Variants in PADI1 observed in about 807,000 individuals in gnomAD.
PADI1 encodes peptidyl arginine deiminase 1, also known as protein-arginine deiminase type-1.
In PADI1, 65 loss-of-function variants were observed where a neutral mutation model predicts 74.8. The ratio of observed to expected loss-of-function variants is 0.87; its 90% confidence interval spans 0.71 to 1.07. The LOEUF is 1.07. Among genes scored for constraint, PADI1 ranks in the 50% least tolerant of loss-of-function variants. The pLI, the probability that PADI1 is intolerant of heterozygous loss-of-function variation, is 0.00. For missense variants in PADI1, 943 were observed against 854.0 expected, an observed-to-expected ratio of 1.10 and a Z score of -1.30; for synonymous variants, 371 against 336.2, an observed-to-expected ratio of 1.10 and a Z score of -1.13.
chr1:17,233,831 G>A (rs2072565289), intron 11 of PADI1, among the ~76,000 whole-genome samples: 1 of 152,254 alleles, frequency 6.6e-6, no homozygotes, highest in Non-Finnish European at 1.5e-5. Flanking sequence ...GAATCTGGCA[G>A]CCTCAGAGCT....
intron 1 of PADI1, among the ~76,000 whole-genome samples, chr1:17,213,515 A>G (rs1356043105): frequency 6.6e-6 from 1 of 152,018 alleles, no homozygotes; most frequent in Non-Finnish European, 1.5e-5. Context: ...GTATTTTCCT[A>G]CTTTCTGTAA....
Position 17,230,692 on chromosome 1 carries a change from A to C in PADI1, c.1161+13A>C, listed in dbSNP as rs1204549609. ...TAAGAGGATCCTGGTACGTAGCGAC[A>C]GGTAGAGTGCAGAAACCCTGGTTGG... On this transcript the variant is annotated intron_variant, in intron 10 of 15. Transcript: ENST00000375471. 4.6e-6 allele frequency: 7 copies of C among 1,505,586 alleles called. No homozygotes were observed. The highest frequency in any genetic ancestry group is 6.4e-6 in the Non-Finnish European group (7 of 1,086,090). The allele number at this position is 1,505,586 out of a possible 1,614,324, so 93.3% of individuals were successfully genotyped here.
chr1:17,239,948 G>T, intron 14 of PADI1, 165 bp downstream of exon 14: 1 of 617,196 alleles, frequency 1.6e-6, no homozygotes, highest in East Asian at 2.8e-5. Flanking sequence ...GGAACCCACA[G>T]TCTGATGGAA....
chr1:17,236,982 G>A (rs1367976142), intron 11 of PADI1, among the ~76,000 whole-genome samples: 1 of 152,176 alleles, frequency 6.6e-6, no homozygotes, highest in African/African-American at 2.4e-5. Context: ...AGCAAGGAGG[G>A]GCGCAGTGGG....
At chr1:17,223,826 C>T (rs930005302) in intron 3 of PADI1, 133 bp downstream of exon 3, 4 of 721,252 alleles carry the variant, frequency 5.5e-6, no homozygotes, top group Non-Finnish European at 9.6e-6. Context: ...TTGGATTCCT[C>T]GGGACCTTCT....
rs2071651205 is a variant in PADI1, at chr1:17,205,156, G to A, written c.-62G>A. ...ACTCACACTTCTTCCTGGCAAAGAA[G>A]TGCCCAGGACGGGAGCTGGGGAGCC... On this transcript the variant is annotated 5_prime_UTR_variant, in exon 1 of 16. It adds an upstream start codon to the 5' untranslated region. Transcript: ENST00000375471. The A allele has an allele frequency of 1.5e-6, 2 of 1,344,602 alleles. No homozygotes were observed. Among genetic ancestry groups the A allele is most frequent in the African/African-American group, 1.4e-5 (1 of 69,584 alleles). 83.3% of individuals were successfully genotyped at this position (1,344,602 alleles called of 1,614,324 possible). A position where few individuals can be genotyped will look rare whatever the true frequency, so the allele number is the denominator to read the frequency against.
At chr1:17,218,446 G>C (rs1019572231) in intron 1 of PADI1, among the ~76,000 whole-genome samples, 1 of 152,128 alleles carries the variant, frequency 6.6e-6, no homozygotes, top group Non-Finnish European at 1.5e-5. Flanking sequence ...AAAGGCATTA[G>C]AGGAAAGGCC....
At chr1:17,220,088 A>G (rs2072094707) in intron 1 of PADI1, among the ~76,000 whole-genome samples, 1 of 152,054 alleles carries the variant, frequency 6.6e-6, no homozygotes, top group Non-Finnish European at 1.5e-5. Flanking sequence ...AGGACCCCCA[A>G]AAGTGCTGTG....
At chr1:17,233,607 C>T (rs991895493) in intron 11 of PADI1, among the ~76,000 whole-genome samples, 1 of 152,242 alleles carries the variant, frequency 6.6e-6, no homozygotes, top group Non-Finnish European at 1.5e-5. Context: ...CTGCAGGTAA[C>T]CAAAGAATGA....
intron 15 of PADI1, among the ~76,000 whole-genome samples, chr1:17,241,239 A>G (rs888563375): frequency 6.6e-6 from 1 of 152,180 alleles, no homozygotes; most frequent in Non-Finnish European, 1.5e-5. Context: ...TCTCATTAAC[A>G]GGGCAGCTGA....
In PADI1 at chr1:17,244,942, G is replaced by A. The variant is rs753669093; in HGVS notation, c.*699G>A. The A allele has an allele frequency of 1.7e-5, 3 of 175,594 alleles. No individual in the cohort carries two copies. The highest frequency in any genetic ancestry group is 1.4e-4 in the South Asian group (1 of 7,342). 10.9% of individuals were successfully genotyped at this position (175,594 alleles called of 1,614,324 possible). ...GGAAAGACTTTAATTACCAGAGCTG[G>A]CTTCTCCCAGCTCAGAAATGCTGAG... On this transcript the variant is annotated 3_prime_UTR_variant, in exon 16 of 16. Coordinates refer to ENST00000375471, the MANE Select transcript of PADI1 (RefSeq NM_013358.3).
In PADI1 at chr1:17,244,559, A is replaced by G. The variant is rs1247294343; in HGVS notation, c.*316A>G. The G allele has an allele frequency of 2.2e-6, 1 of 458,482 alleles. No individual in the cohort carries two copies. Among genetic ancestry groups the G allele is most frequent in the African/African-American group, 2.0e-5 (1 of 50,858 alleles). The allele number at this position is 458,482 out of a possible 1,614,324, so 28.4% of individuals were successfully genotyped here. A position where few individuals can be genotyped will look rare whatever the true frequency, so the allele number is the denominator to read the frequency against. The stretch of plus-strand genomic sequence containing the variant: ...AGGCCTAGGGAGATGGGCCCCACTT[A>G]GAATTGCTCCCCCTTCATTCTGATG... On this transcript the variant is annotated 3_prime_UTR_variant, in exon 16 of 16. Transcript: ENST00000375471.
rs116423759 is a variant in PADI1, at chr1:17,219,940, G to A, written c.93-2350G>A. 8.0e-3 allele frequency among the ~76,000 whole-genome samples: 1,224 copies of A among 152,160 alleles called. 22 individuals are homozygous for A. Among genetic ancestry groups the A allele is most frequent in the African/African-American group, 0.026 (1,091 of 41,504 alleles). On this transcript the variant is annotated intron_variant, in intron 1 of 15. Transcript: ENST00000375471. The stretch of plus-strand genomic sequence containing the variant: ...TGTCCAGGGTGGGACTGAGGATATC[G>A]TGCAGATGATGGTGGCTGGGATTGA...
In PADI1 at chr1:17,224,391, G is replaced by A; in HGVS notation, c.371G>A (p.Gly124Asp). 2 of 1,613,928 alleles carry A rather than the reference G, an allele frequency of 1.2e-6. No homozygotes were observed. Among genetic ancestry groups the A allele is most frequent in the South Asian group, 2.2e-5 (2 of 91,016 alleles). The change falls in exon 4 of 16, where the codon GGC (glycine) becomes GAC (aspartate). Residue 124 changes from glycine to aspartate, a missense_variant. Gly to Asp is a moderately conservative substitution (Grantham distance 94). Coordinates refer to ENST00000375471, the MANE Select transcript of PADI1 (RefSeq NM_013358.3). ...GATATTTCCCTTGAGGTTGACACAG[G>A]CCGCACAGGCAAGGTGAAGAGGAGC... ...GVDISLEVDT[G>D]RTGKVKRSQG...
chr1:17,210,307 C>T (rs1278191843), intron 1 of PADI1, among the ~76,000 whole-genome samples: 1 of 152,100 alleles, frequency 6.6e-6, no homozygotes, highest in African/African-American at 2.4e-5. Context: ...CAGGCCTGAG[C>T]CACCGCGCCC....
chr1:17,226,246 T>C, intron 6 of PADI1, 88 bp downstream of exon 6: 1 of 1,421,084 alleles, frequency 7.0e-7, no homozygotes, highest in Non-Finnish European at 9.8e-7. Flanking sequence ...TTCCATCACC[T>C]TTTTGTAACT....
intron 11 of PADI1, among the ~76,000 whole-genome samples, chr1:17,233,884 C>T (rs4920575): frequency 0.29 from 43,549 of 152,062 alleles, 6,333 homozygotes; most frequent in Middle Eastern, 0.31. Flanking sequence ...TACCCAGGCA[C>T]GTAACTGGGT....
At chr1:17,223,057 C>T (rs1373745878) in intron 2 of PADI1, among the ~76,000 whole-genome samples, 1 of 152,124 alleles carries the variant, frequency 6.6e-6, no homozygotes, top group African/African-American at 2.4e-5. Flanking sequence ...GGGCTCAGAC[C>T]CCACCTCCTC....
intron 1 of PADI1, among the ~76,000 whole-genome samples, chr1:17,212,558 T>C (rs942358092): frequency 6.6e-6 from 1 of 152,136 alleles, no homozygotes; most frequent in African/African-American, 2.4e-5. Flanking sequence ...GACCAGGTGG[T>C]ACATTTCTGA....
Sources: allele counts gnomAD v4.1 joint callset (sites outside exome capture counted in the v4.1 genomes callset), GRCh38; gene constraint gnomAD v4.1.1; transcripts MANE v1.5; gene names NCBI Gene and HGNC (gene_info 2026-07-23, HGNC 2026-07-21).